TMEM131: variants seen among roughly 807,000 people sequenced by gnomAD.
TMEM131 encodes 2610524E03Rik.
A neutral mutation model predicts 211.6 loss-of-function variants in TMEM131; 66 were observed. The ratio of observed to expected loss-of-function variants is 0.31; its 90% CI spans 0.26 to 0.38. The LOEUF (loss-of-function observed/expected upper bound fraction) is 0.38. Among genes scored for constraint, TMEM131 ranks in the 10% least tolerant of loss-of-function variants. The probability of loss-of-function intolerance (pLI) is 1.00; values close to 1 mark genes in which losing one functional copy is unlikely to be tolerated. For missense variants in TMEM131, 2,036 were observed against 2,299.3 expected (o/e 0.89, Z 2.34); for synonymous variants, 844 against 841.3 (o/e 1.00, Z -0.06).
intron 3 of TMEM131, among the ~76,000 whole-genome samples, chr2:97,902,302 A>T (rs1218201559): frequency 6.6e-6 from 1 of 152,096 alleles, no homozygotes; most frequent in African/African-American, 2.4e-5. Flanking sequence ...TAAACACCGT[A>T]CTCTTTTTTT....
At chr2:97,836,259 T>G (rs1682935621) in intron 8 of TMEM131, among the ~76,000 whole-genome samples, 1 of 152,222 alleles carries the variant, frequency 6.6e-6, no homozygotes, top group Admixed American at 6.5e-5. Context: ...TCTCCACATC[T>G]CTTCTGTGGT....
At chr2:97,907,166 C>CCAGCCAAGGAGGAATCAGGCTAAACATG (rs1676104860) in intron 3 of TMEM131, 1 of 152,084 alleles carries the variant, frequency 6.6e-6, no homozygotes, top group African/African-American at 2.4e-5. Context: ...CTTAGATGGT[C>CCAGCCAAGGAGGAATCAGGCTAAACATG]CAGCCAAGGA....
At chr2:97,822,392 G>C (rs1054853328) in intron 11 of TMEM131, among the ~76,000 whole-genome samples, 1 of 152,180 alleles carries the variant, frequency 6.6e-6, no homozygotes, top group African/African-American at 2.4e-5. Flanking sequence ...GAGAAGTGAG[G>C]ATAAAAGGCG....
intron 3 of TMEM131, among the ~76,000 whole-genome samples, chr2:97,891,482 G>C (rs1675372617): frequency 6.8e-6 from 1 of 147,584 alleles, no homozygotes; most frequent in Non-Finnish European, 1.5e-5. Context: ...GTTCTGAAGT[G>C]TCAATACAAT....
At chr2:97,759,535 T>C (rs1678702729) in intron 39 of TMEM131, 117 bp downstream of exon 39, 2 of 860,976 alleles carry the variant, frequency 2.3e-6, no homozygotes, top group Non-Finnish European at 3.7e-6. Context: ...GGGAGCTTCC[T>C]GCGGGGCCTC....
intron 4 of TMEM131, among the ~76,000 whole-genome samples, chr2:97,877,715 TCA>T (rs2104172954): frequency 6.6e-6 from 1 of 152,172 alleles, no homozygotes; most frequent in African/African-American, 2.4e-5. Context: ...TCAAGATGGA[TCA>T]AAGACTTAAA....
intron 1 of TMEM131, among the ~76,000 whole-genome samples, chr2:97,943,955 G>A (rs983797424): frequency 2.0e-5 from 3 of 152,026 alleles, no homozygotes; most frequent in Non-Finnish European, 4.4e-5. Context: ...GGTGGTGCGC[G>A]CCTGTAGTCG....
chr2:97,900,288 A>C (rs535879979), intron 3 of TMEM131, among the ~76,000 whole-genome samples: 7 of 152,206 alleles, frequency 4.6e-5, no homozygotes, highest in African/African-American at 1.4e-4. Flanking sequence ...AGCTGAACTT[A>C]CACCTTCTAA....
intron 5 of TMEM131, among the ~76,000 whole-genome samples, chr2:97,846,398 T>C (rs1247801170): frequency 6.6e-6 from 1 of 152,120 alleles, no homozygotes; most frequent in Non-Finnish European, 1.5e-5. Context: ...CATTCAAAAA[T>C]CAAATCAATG....
At chr2:97,824,259 C>A (rs558671431) in intron 11 of TMEM131, among the ~76,000 whole-genome samples, 1 of 152,230 alleles carries the variant, frequency 6.6e-6, no homozygotes, top group African/African-American at 2.4e-5. Context: ...ACCAGATAAT[C>A]CAACAGCAGG....
chr2:97,856,183 A>G (rs964600592), intron 5 of TMEM131, among the ~76,000 whole-genome samples: 1 of 152,190 alleles, frequency 6.6e-6, no homozygotes, highest in Admixed American at 6.5e-5. Context: ...TTTCTGATGC[A>G]AAACATATAT....
At chr2:97,806,579 A>C (rs1268001721) in intron 19 of TMEM131, among the ~76,000 whole-genome samples, 3 of 152,038 alleles carry the variant, frequency 2.0e-5, no homozygotes, top group African/African-American at 7.2e-5. Flanking sequence ...ACACAAATAA[A>C]ACTGTTAAAT....
Position 97,964,046 on chromosome 2 carries a change from G to A in TMEM131, c.187+31430C>T, listed in dbSNP as rs1383399532. ...ACAGTAATATTCTAATACTCCAACC[G>A]ACTTCCAAGGAAACTGGCAAATCAA... On this transcript the variant is annotated intron_variant, in intron 1 of 40. Transcript: ENST00000186436. Among the ~76,000 whole-genome samples the A allele has an allele frequency of 5.9e-5, 9 of 152,292 alleles. No individual in the cohort carries two copies. The East Asian group carries it at 9.6e-4, about 16-fold the overall frequency.
At chr2:97,788,345 T>C (rs932809835) in intron 31 of TMEM131, among the ~76,000 whole-genome samples, 2 of 152,176 alleles carry the variant, frequency 1.3e-5, no homozygotes, top group Non-Finnish European at 2.9e-5. Flanking sequence ...ACGTGGAATC[T>C]GACTATTCCA....
In TMEM131 at chr2:97,757,132, A is replaced by C; in HGVS notation, c.5619T>G (p.Pro1873=). ...CGTGAGGAAAGTGCGAATTAGACCA[A>C]GGGTCCGAGCTTCTTCTTCCAATCG... ...SPTIGRRSSD[P]WSNSHFPHEN The change falls in exon 41 of 41, where the codon CCT becomes CCG. Residue 1873 remains proline (P), a synonymous_variant. Transcript: ENST00000186436. 6.2e-7 allele frequency: 1 copy of C among 1,609,168 alleles called. No homozygotes were observed. Among genetic ancestry groups the C allele is most frequent in the Non-Finnish European group, 8.5e-7 (1 of 1,176,824 alleles).
At chr2:97,812,306 A>G (rs1681583047) in intron 17 of TMEM131, 115 bp downstream of exon 17, 2 of 1,194,818 alleles carry the variant, frequency 1.7e-6, no homozygotes, top group Non-Finnish European at 2.3e-6. Flanking sequence ...GCAAGTAACC[A>G]ACACTATTAT....
Position 97,794,847 on chromosome 2 carries a change from G to T in TMEM131, c.3386+83C>A, listed in dbSNP as rs1391249874. 3 of 1,202,114 alleles carry T rather than the reference G, an allele frequency of 2.5e-6. No homozygotes were observed. In the Admixed American group the frequency reaches 7.3e-5, roughly 29 times the overall value. 74.5% of individuals were successfully genotyped at this position (1,202,114 alleles called of 1,614,324 possible). A position where few individuals can be genotyped will look rare whatever the true frequency, so the allele number is the denominator to read the frequency against. ...GTTTGCTGGCATATCCTAGCACTCA[G>T]AACAGTGGCTGGCACACAGTGGGCA... On this transcript the variant is annotated intron_variant, in intron 29 of 40. Transcript: ENST00000186436.
intron 3 of TMEM131, among the ~76,000 whole-genome samples, chr2:97,897,084 C>T (rs562504546): frequency 2.0e-4 from 31 of 152,092 alleles, no homozygotes; most frequent in African/African-American, 7.0e-4. Flanking sequence ...GTGATTTATG[C>T]CATTGTAAAT....
intron 3 of TMEM131, among the ~76,000 whole-genome samples, chr2:97,892,114 T>G (rs548278073): frequency 6.6e-6 from 1 of 152,320 alleles, no homozygotes; most frequent in Admixed American, 6.5e-5. Flanking sequence ...CATTTTTAAT[T>G]TGCACTTCCC....
Sources: allele counts gnomAD v4.1 joint callset (sites outside exome capture counted in the v4.1 genomes callset), GRCh38; gene constraint gnomAD v4.1.1; transcripts MANE v1.5; gene names NCBI Gene and HGNC (gene_info 2026-07-23, HGNC 2026-07-21).